ZNF227: variants seen among roughly 807,000 people sequenced by gnomAD.
The protein encoded by ZNF227 is zinc finger protein 227.
A neutral mutation model predicts 13.2 loss-of-function variants in ZNF227; 12 were observed. The observed-to-expected ratio is 0.91, with a 90% CI of 0.58 to 1.47. The LOEUF (loss-of-function observed/expected upper bound fraction) is 1.47. ZNF227 is among the 40% of genes most tolerant of loss of function. The pLI, the probability that ZNF227 is intolerant of heterozygous loss-of-function variation, is 0.00. For missense variants in ZNF227, 885 were observed against 967.5 expected, an observed-to-expected ratio of 0.91 and a Z score of 1.13; for synonymous variants, 338 against 326.0, an observed-to-expected ratio of 1.04 and a Z score of -0.40.
chr19:44,235,648 G>C lies in ZNF227; in HGVS notation c.1218G>C (p.Lys406Asn). 1 of 1,613,834 alleles carries C rather than the reference G, an allele frequency of 6.2e-7. No individual in the cohort carries two copies. The highest frequency in any genetic ancestry group is 8.5e-7 in the Non-Finnish European group (1 of 1,179,932). Reference sequence around the variant, plus strand: ...ACCAGAGGGTCCACAGGGGTGAGAAGCCCTATAAATGTGAGGAATGTGGTA... The same window carrying C: ...ACCAGAGGGTCCACAGGGGTGAGAACCCCTATAAATGTGAGGAATGTGGTA... Reference protein sequence around the residue: ...RVHQRVHRGEKPYKCEECGKG... With the variant: ...RVHQRVHRGENPYKCEECGKG... The change falls in exon 6 of 6, where the codon AAG (lysine) becomes AAC (asparagine). Residue 406 changes from lysine to asparagine, a missense_variant. Coordinates refer to ENST00000313040, the MANE Select transcript of ZNF227 (RefSeq NM_182490.3).
chr19:44,228,291 TAGTG>T, intron 3 of ZNF227, 151 bp from the exon 4 acceptor site: 1 of 791,550 alleles, frequency 1.3e-6, no homozygotes. Context: ...GCGTAGGAGA[TAGTG>T]AGACAGGGAA....
Position 44,213,196 on chromosome 19 carries a change from C to G in ZNF227, c.-51C>G, listed in dbSNP as rs561489358. The G allele has an allele frequency of 6.6e-6, 1 of 152,222 alleles. No individual in the cohort carries two copies. The highest frequency in any genetic ancestry group is 2.1e-4 in the South Asian group (1 of 4,824). 9.4% of individuals were successfully genotyped at this position (152,222 alleles called of 1,614,324 possible). Reference sequence around the variant, plus strand: ...CTTTTATTCACCGCCTCCGAATTTGCAAAGAGGAGGAAGGAGGGACTTCTT... The same window carrying G: ...CTTTTATTCACCGCCTCCGAATTTGGAAAGAGGAGGAAGGAGGGACTTCTT... On this transcript the variant is annotated 5_prime_UTR_variant, in exon 2 of 6. Coordinates refer to ENST00000313040, the MANE Select transcript of ZNF227 (RefSeq NM_182490.3).
chr19:44,232,572 T>G (rs1973948705), intron 5 of ZNF227, among the ~76,000 whole-genome samples: 1 of 152,214 alleles, frequency 6.6e-6, no homozygotes, highest in South Asian at 2.1e-4. Context: ...CTTTCTTCCC[T>G]TTTGTAAGGA....
At chr19:44,224,972 A>G (rs1240878091) in intron 3 of ZNF227, among the ~76,000 whole-genome samples, 1 of 151,832 alleles carries the variant, frequency 6.6e-6, no homozygotes, top group Non-Finnish European at 1.5e-5. Context: ...GGTGGTGACA[A>G]AATCTCTCAG....
chr19:44,221,472 T>C (rs1972506549), intron 3 of ZNF227, among the ~76,000 whole-genome samples: 1 of 152,228 alleles, frequency 6.6e-6, no homozygotes, highest in South Asian at 2.1e-4. Flanking sequence ...TGTGAGATGG[T>C]ATCTCATTGT....
At chr19:44,229,324 T>A (rs1973527415) in intron 4 of ZNF227, among the ~76,000 whole-genome samples, 1 of 152,102 alleles carries the variant, frequency 6.6e-6, no homozygotes, top group Non-Finnish European at 1.5e-5. Flanking sequence ...AATAAATCAC[T>A]CTAGAGGCCG....
chr19:44,216,969 T>G (rs529214342), intron 2 of ZNF227, among the ~76,000 whole-genome samples: 2 of 147,762 alleles, frequency 1.4e-5, no homozygotes, highest in Admixed American at 6.8e-5. Flanking sequence ...TTTTTTTTTT[T>G]TTTTTTTTTT....
At chr19:44,215,425 C>T (rs1233456) in intron 2 of ZNF227, among the ~76,000 whole-genome samples, 2,547 of 149,646 alleles carry the variant, frequency 0.017, 57 homozygotes, top group African/African-American at 0.054. Flanking sequence ...ATTATGTTTT[C>T]GTAGTGTCTT....
At position 44,236,657 on chromosome 19, in the gene ZNF227, C is replaced by T. The variant is rs1974541120; in HGVS notation, c.2227C>T (p.Leu743Phe). Residue 743 changes from leucine (L) to phenylalanine (F), a missense_variant, in exon 6 of 6, where the codon CTC becomes TTC. By Grantham distance (22) the Leu-to-Phe change is conservative. Coordinates refer to ENST00000313040, the MANE Select transcript of ZNF227 (RefSeq NM_182490.3). ...CCTGGGTGTTCACACCAGGGAAAAA[C>T]TCTTTAAATGTGAAGAGTGTGGTAA... ...VHLGVHTREK[L>F]FKCEECGKGF... 1.2e-6 allele frequency: 2 copies of T among 1,614,010 alleles called. No homozygotes were observed. Among genetic ancestry groups the T allele is most frequent in the Admixed American group, 1.7e-5 (1 of 60,026 alleles).
In ZNF227 at chr19:44,235,066, A is replaced by G; in HGVS notation, c.636A>G (p.Pro212=). 6.2e-7 allele frequency: 1 copy of G among 1,613,904 alleles called. No individual in the cohort carries two copies. Among genetic ancestry groups the G allele is most frequent in the Non-Finnish European group, 8.5e-7 (1 of 1,179,972 alleles). The change falls in exon 6 of 6, where the codon CCA becomes CCG. Residue 212 remains proline, a synonymous_variant. Coordinates refer to ENST00000313040, the MANE Select transcript of ZNF227 (RefSeq NM_182490.3). ...ATGAAGACTTCATGAAGAAATCACC[A>G]TTTCATGAGCATATTAAAACTGACA... is the stretch of plus-strand genomic sequence containing the variant. The part of the protein sequence containing the change: ...QIHEDFMKKS[P]FHEHIKTDTE...
At chr19:44,209,122 A>T (rs1238105885), upstream of ZNF227, among the ~76,000 whole-genome samples, 1 of 152,138 alleles carries the variant, frequency 6.6e-6, no homozygotes, top group Non-Finnish European at 1.5e-5. Flanking sequence ...AACATTTTAA[A>T]TGCATTTATG....
upstream of ZNF227, among the ~76,000 whole-genome samples, chr19:44,209,151 C>A (rs1971281614): frequency 1.3e-5 from 2 of 152,184 alleles, no homozygotes; most frequent in South Asian, 4.1e-4. Context: ...CCATACCACC[C>A]ACATGGTATT....
chr19:44,228,150 G>A (rs186063212), intron 3 of ZNF227: 80 of 218,152 alleles, frequency 3.7e-4, no homozygotes, highest in African/African-American at 1.7e-3. Context: ...AGAATCTCTT[G>A]AACCCGGGAG....
In ZNF227 at chr19:44,225,586, T is replaced by C. The variant is rs999023844; in HGVS notation, c.61-2860T>C. Among the ~76,000 whole-genome samples, 5 of 152,338 alleles carry C rather than the reference T, an allele frequency of 3.3e-5. No homozygotes were observed. The East Asian group carries it at 5.8e-4, about 18-fold the overall frequency. On this transcript the variant is annotated intron_variant, in intron 3 of 5. Transcript: ENST00000313040. ...GCTCCTGAGGCTTCTGCATTCTTCA[T>C]GTAGTTCTCGAGCCTTGGCTTTCAG...
chr19:44,226,773 G>A (rs775132822), intron 3 of ZNF227, among the ~76,000 whole-genome samples: 24 of 152,126 alleles, frequency 1.6e-4, no homozygotes, highest in Admixed American at 9.2e-4. Context: ...CCAGTGTGCT[G>A]CACCCACTGC....
chr19:44,220,025 G>T (rs1309318878), intron 3 of ZNF227, among the ~76,000 whole-genome samples: 1 of 151,610 alleles, frequency 6.6e-6, no homozygotes, highest in Admixed American at 6.6e-5. Context: ...GTGAGAACAT[G>T]CAGCGTTTGG....
chr19:44,213,940 G>A (rs1184723852), intron 2 of ZNF227, among the ~76,000 whole-genome samples: 1 of 152,206 alleles, frequency 6.6e-6, no homozygotes, highest in Admixed American at 6.5e-5. Flanking sequence ...TATAAGCCAT[G>A]TGTGCCCTAG....
At chr19:44,233,618 C>T (rs377727125) in intron 5 of ZNF227, among the ~76,000 whole-genome samples, 102 of 152,144 alleles carry the variant, frequency 6.7e-4, no homozygotes, top group South Asian at 5.6e-3. Context: ...TATGGCAGGC[C>T]GGGCGTGGTG....
intron 2 of ZNF227, among the ~76,000 whole-genome samples, chr19:44,214,342 G>GT (rs1450633940): frequency 6.6e-6 from 1 of 150,886 alleles, no homozygotes; most frequent in African/African-American, 2.4e-5. Flanking sequence ...CTGTGTAGTA[G>GT]TTTTTTTCTT....
Sources: allele counts gnomAD v4.1 joint callset (sites outside exome capture counted in the v4.1 genomes callset), GRCh38; gene constraint gnomAD v4.1.1; transcripts MANE v1.5; gene names NCBI Gene and HGNC (gene_info 2026-07-23, HGNC 2026-07-21).